Variants in ARHGEF1 observed in about 807,000 individuals in gnomAD.
ARHGEF1 encodes 115 kDa guanine nucleotide exchange factor.
A neutral mutation model predicts 119.7 loss-of-function variants in ARHGEF1; 40 were observed. The observed-to-expected ratio is 0.33, with a 90% CI of 0.26 to 0.44. The LOEUF is 0.44. Ranked by LOEUF, ARHGEF1 falls within the 20% of genes least tolerant of loss-of-function variation. The pLI is 1.00. For missense variants in ARHGEF1, 976 were observed against 1,268.3 expected (o/e 0.77, Z 3.50); for synonymous variants, 494 against 521.0 (o/e 0.95, Z 0.71).
Position 41,917,114 on chromosome 19 carries a change from G to A in ARHGEF1, c.1866-5978G>A, listed in dbSNP as rs1015295827. 2.0e-5 allele frequency among the ~76,000 whole-genome samples: 3 copies of A among 152,062 alleles called. No homozygotes were observed. Among genetic ancestry groups the A allele is most frequent in the African/African-American group, 2.4e-5 (1 of 41,390 alleles). Reference sequence around the variant, plus strand: ...TCTCTCGGTCTCTCTCAGCCCCTTCGGGTGTCGGCGCATCTTTCTGTCTGT... The same window carrying A: ...TCTCTCGGTCTCTCTCAGCCCCTTCAGGTGTCGGCGCATCTTTCTGTCTGT... On this transcript the variant is annotated intron_variant, in intron 18 of 20. Coordinates refer to the ARHGEF1 transcript ENST00000599589. The surrounding 1 kb of genome is among the most constrained non-coding windows in gnomAD (Gnocchi z 4.8).
rs1191078737 is a variant in ARHGEF1 at position 41,902,770 on chromosome 19, C to G, written c.1624-14C>G. On this transcript the variant is annotated splice_polypyrimidine_tract_variant and intron_variant, in intron 17 of 28. Coordinates refer to ENST00000354532, the MANE Select transcript of ARHGEF1 (RefSeq NM_004706.4). The surrounding 1 kb of genome is among the most constrained non-coding windows in gnomAD (Gnocchi z 6.5). ...AAAGCCTGGGCCATCGCAACACCAG[C>G]ATGTTTCCCGCAGGAAGCTGAGAGC... The G allele has an allele frequency of 6.2e-7, 1 of 1,613,298 alleles. No individual in the cohort carries two copies. The highest frequency in any genetic ancestry group is 1.3e-5 in the African/African-American group (1 of 75,034).
chr19:41,902,692 A>G lies in ARHGEF1; in HGVS notation c.1623+34A>G. ...GGGTCTGGACTCCAGCTTCCCAGGG[A>G]GGAGGGGCCTGGAGACCCAGACTCC... is the stretch of plus-strand genomic sequence containing the variant. On this transcript the variant is annotated intron_variant, in intron 17 of 28. Transcript: ENST00000354532. The surrounding 1 kb of genome is among the most constrained non-coding windows in gnomAD (Gnocchi z 6.5). 6.2e-7 allele frequency: 1 copy of G among 1,613,520 alleles called. No individual in the cohort carries two copies. The highest frequency in any genetic ancestry group is 2.2e-5 in the East Asian group (1 of 44,866).
In ARHGEF1 at chr19:41,896,331, T is replaced by G; in HGVS notation, c.1016-46T>G. ...CCAGGCCCCCAGAGTGTGGGTCTCG[T>G]GGCCGCAGAGGCCTTCCAGCCAGCC... On this transcript the variant is annotated intron_variant, in intron 12 of 28. Transcript: ENST00000354532. 8.7e-6 allele frequency: 9 copies of G among 1,033,796 alleles called. No individual in the cohort carries two copies. The South Asian group carries it at 1.4e-4, about 16-fold the overall frequency. 64.0% of individuals were successfully genotyped at this position (1,033,796 alleles called of 1,614,324 possible).
chr19:41,902,722 T>C lies in ARHGEF1; in HGVS notation c.1624-62T>C. 1 of 1,613,312 alleles carries C rather than the reference T, an allele frequency of 6.2e-7. No homozygotes were observed. The highest frequency in any genetic ancestry group is 1.1e-5 in the South Asian group (1 of 91,070). On this transcript the variant is annotated intron_variant, in intron 17 of 28. Transcript: ENST00000354532. The surrounding 1 kb of genome is among the most constrained non-coding windows in gnomAD (Gnocchi z 6.5). ...GGGCCTGGAGACCCAGACTCCTAGGTGCCTGCGCCCTGGGGTGAGCCCAAA... is the reference window on the plus strand; with the variant it reads ...GGGCCTGGAGACCCAGACTCCTAGGCGCCTGCGCCCTGGGGTGAGCCCAAA...
downstream of ARHGEF1, chr19:41,909,805 C>A: frequency 6.6e-7 from 1 of 1,507,706 alleles, no homozygotes; most frequent in Non-Finnish European, 8.9e-7. This position sits in a 1 kb window ranked among gnomAD's most constrained non-coding sequence, Gnocchi z 5.2. Context: ...GAGGGGGCAC[C>A]AGAGGGACAG....
intron 1 of ARHGEF1, among the ~76,000 whole-genome samples, chr19:41,886,426 G>A (rs1384931121): frequency 1.3e-5 from 2 of 152,112 alleles, no homozygotes; most frequent in African/African-American, 2.4e-5. Flanking sequence ...TGAGTGGGAT[G>A]AGCATGCACC....
downstream of ARHGEF1, chr19:41,908,188 C>T: frequency 8.2e-7 from 1 of 1,226,722 alleles, no homozygotes; most frequent in Non-Finnish European, 1.0e-6. The surrounding 1 kb of genome is among the most constrained non-coding windows in gnomAD (Gnocchi z 6.7). Flanking sequence ...GGCAGCCACC[C>T]TGGTCCCTGC....
chr19:41,908,683 G>T, downstream of ARHGEF1: 1 of 1,229,648 alleles, frequency 8.1e-7, no homozygotes, highest in Non-Finnish European at 1.0e-6. This position sits in a 1 kb window ranked among gnomAD's most constrained non-coding sequence, Gnocchi z 6.7. Flanking sequence ...GCACCTGGGG[G>T]GCACAGGGGT....
At chr19:41,907,797 T>C (rs2074725109), downstream of ARHGEF1, 1 of 165,906 alleles carries the variant, frequency 6.0e-6, no homozygotes, top group South Asian at 2.0e-4. Flanking sequence ...CCCTCCTGGG[T>C]GGGGGCTGGG....
In ARHGEF1 at chr19:41,893,254, C is replaced by T; in HGVS notation, c.615-20C>T. On this transcript the variant is annotated intron_variant, in intron 7 of 28. Coordinates refer to ENST00000354532, the MANE Select transcript of ARHGEF1 (RefSeq NM_004706.4). ...CCAGGCCTAGCAAATATGTCACAAA[C>T]ATCTCTCTTCCTCCTACAGACATAC... The T allele has an allele frequency of 1.9e-6, 3 of 1,612,610 alleles. No homozygotes were observed. The highest frequency in any genetic ancestry group is 2.5e-6 in the Non-Finnish European group (3 of 1,179,472).
Position 41,906,617 on chromosome 19 carries a change from G to A in ARHGEF1, c.2652G>A (p.Leu884=), listed in dbSNP as rs2074701663. 1 of 1,605,338 alleles carries A rather than the reference G, an allele frequency of 6.2e-7. No homozygotes were observed. Among genetic ancestry groups the A allele is most frequent in the African/African-American group, 1.3e-5 (1 of 74,436 alleles). The part of the protein sequence containing the change: ...LLSLEETMKQ[L]EELEEEFCRL... ...GCTTGGAGGAGACCATGAAGCAGCT[G>A]GAGGTGGGGCGGGACGGGCCAGGGG... The change falls in exon 27 of 29, where the codon CTG becomes CTA. Residue 884 remains leucine (L), a synonymous_variant. Transcript: ENST00000354532. This position sits in a 1 kb window ranked among gnomAD's most constrained non-coding sequence, Gnocchi z 4.5.
chr19:41,885,237 A>C, intron 1 of ARHGEF1, among the ~76,000 whole-genome samples: 2 of 151,114 alleles, frequency 1.3e-5, no homozygotes, highest in East Asian at 2.0e-4. Flanking sequence ...AACAGGCGAC[A>C]CTCCTCGCCT....
chr19:41,892,438 G>C lies in ARHGEF1; in HGVS notation c.367+65G>C, dbSNP rs11880852. 8,463 of 1,609,554 alleles carry C rather than the reference G, an allele frequency of 5.3e-3. 350 individuals are homozygous for C. The African/African-American group carries it at 0.094, about 18-fold the overall frequency. ...GGACCACACCTCCCAGGAGGCCAAG[G>C]GGAGGGAGGCCGCACTCCCATGCTC... On this transcript the variant is annotated intron_variant, in intron 6 of 28. Coordinates refer to ENST00000354532, the MANE Select transcript of ARHGEF1 (RefSeq NM_004706.4). This position sits in a 1 kb window ranked among gnomAD's most constrained non-coding sequence, Gnocchi z 6.3.
chr19:41,896,989 C>T (rs529823832), intron 13 of ARHGEF1: 118 of 428,416 alleles, frequency 2.8e-4, no homozygotes, highest in African/African-American at 2.4e-3. Context: ...ACTCCTCTCT[C>T]ACCTGGGTTT....
chr19:41,913,251 G>A (rs979380360), intron 18 of ARHGEF1, among the ~76,000 whole-genome samples: 3 of 150,174 alleles, frequency 2.0e-5, no homozygotes, highest in East Asian at 2.0e-4. Context: ...TCTCACACTC[G>A]CTGGCTCTCA....
rs1230371429 is a variant in ARHGEF1, at chr19:41,907,140, C to T, written c.*53C>T. ...AGAAGGAGAGGAATGGGGGAGAGGA[C>T]GTGAGGGACCACCCCCACCCACACA... is the stretch of plus-strand genomic sequence containing the variant. On this transcript the variant is annotated 3_prime_UTR_variant, in exon 29 of 29. Transcript: ENST00000354532. 1.6e-5 allele frequency: 24 copies of T among 1,531,216 alleles called. No homozygotes were observed. Among genetic ancestry groups the T allele is most frequent in the East Asian group, 4.9e-5 (2 of 40,790 alleles). The allele number at this position is 1,531,216 out of a possible 1,614,324, so 94.9% of individuals were successfully genotyped here.
intron 1 of ARHGEF1, among the ~76,000 whole-genome samples, chr19:41,886,722 C>G (rs1221602150): frequency 1.3e-5 from 2 of 152,234 alleles, no homozygotes; most frequent in Non-Finnish European, 2.9e-5. Context: ...CATTTGGACA[C>G]TCCAGAAAGC....
At chr19:41,891,042 C>T (rs1254963048) in intron 4 of ARHGEF1, among the ~76,000 whole-genome samples, 1 of 152,170 alleles carries the variant, frequency 6.6e-6, no homozygotes, top group Non-Finnish European at 1.5e-5. Context: ...GGGGCGGGCA[C>T]TCAGGAAATG....
At chr19:41,924,966 G>C (rs1186367915) in intron 1 of ARHGEF1, among the ~76,000 whole-genome samples, 3 of 152,122 alleles carry the variant, frequency 2.0e-5, no homozygotes, top group African/African-American at 7.2e-5. Flanking sequence ...GTGTGCAGTG[G>C]GTTCCCAATG....
Sources: allele counts gnomAD v4.1 joint callset (sites outside exome capture counted in the v4.1 genomes callset), GRCh38; gene constraint gnomAD v4.1.1; non-coding constraint Gnocchi (gnomAD v3.1); transcripts MANE v1.5; gene names NCBI Gene and HGNC (gene_info 2026-07-23, HGNC 2026-07-21).